Variants in STK38L observed in about 807,000 individuals in gnomAD.
STK38L encodes serine/threonine-protein kinase 38-like.
STK38L carries 28 observed loss-of-function variants against 59.7 expected under a neutral mutation model. The ratio of observed to expected loss-of-function variants is 0.47; its 90% confidence interval spans 0.35 to 0.64. The LOEUF is 0.64. Ranked by LOEUF, STK38L falls within the 30% of genes least tolerant of loss-of-function variation. The pLI, the probability that STK38L is intolerant of heterozygous loss-of-function variation, is 0.01. For missense variants in STK38L, 314 were observed against 555.8 expected (o/e 0.56, Z 4.37); for synonymous variants, 162 against 176.8 (o/e 0.92, Z 0.66).
At chr12:27,280,849 G>A (rs1010692702) in intron 1 of STK38L, among the ~76,000 whole-genome samples, 5 of 152,212 alleles carry the variant, frequency 3.3e-5, no homozygotes, top group South Asian at 4.1e-4. Context: ...GTACAGAGCT[G>A]TTTGGGCAAG....
rs1346310346 is a variant in STK38L at position 27,323,486 on chromosome 12, AT to A, written c.*1036del. The A allele has an allele frequency of 6.6e-6, 1 of 152,288 alleles. No homozygotes were observed. Among genetic ancestry groups the A allele is most frequent in the African/African-American group, 2.4e-5 (1 of 41,318 alleles). The allele number at this position is 152,288 out of a possible 1,614,324, so 9.4% of individuals were successfully genotyped here. ...TTAACTTTTATTTCTTTTGATGAAA[AT>A]TTTTCCTTTGATAGTACTTGTATTA... On this transcript the variant is annotated 3_prime_UTR_variant, in exon 14 of 14. Coordinates refer to ENST00000389032, the MANE Select transcript of STK38L (RefSeq NM_015000.4).
chr12:27,298,132 A>G (rs138371414), intron 2 of STK38L: 128 of 276,364 alleles, frequency 4.6e-4, no homozygotes, highest in African/African-American at 2.7e-3. Context: ...ATGTCTTTAC[A>G]TTTTCTTTTA....
At chr12:27,317,600 C>G in intron 10 of STK38L, 147 bp downstream of exon 10, 2 of 749,494 alleles carry the variant, frequency 2.7e-6, no homozygotes, top group Non-Finnish European at 4.3e-6. Context: ...ACATACTGAT[C>G]AATACCAGTG....
At chr12:27,287,913 C>T (rs1485112569) in intron 1 of STK38L, among the ~76,000 whole-genome samples, 3 of 152,172 alleles carry the variant, frequency 2.0e-5, no homozygotes, top group East Asian at 1.9e-4. Context: ...GACAGAGTCT[C>T]GCTCTGTCAT....
chr12:27,255,821 C>A (rs1035219325), intron 1 of STK38L, among the ~76,000 whole-genome samples: 2 of 152,040 alleles, frequency 1.3e-5, no homozygotes, highest in African/African-American at 4.8e-5. Context: ...TGCTCAGGTC[C>A]CCGTCCTGAT....
At chr12:27,285,271 A>G (rs1943747630) in intron 1 of STK38L, among the ~76,000 whole-genome samples, 1 of 152,206 alleles carries the variant, frequency 6.6e-6, no homozygotes, top group South Asian at 2.1e-4. Flanking sequence ...AGAAATAAAA[A>G]AGGAATTGGT....
intron 3 of STK38L, among the ~76,000 whole-genome samples, chr12:27,307,491 C>T (rs989276239): frequency 2.0e-5 from 3 of 152,162 alleles, no homozygotes; most frequent in African/African-American, 4.8e-5. Context: ...GTCTGTCCCT[C>T]CAAACTGAAC....
At chr12:27,286,624 A>G (rs958947506) in intron 1 of STK38L, among the ~76,000 whole-genome samples, 1 of 152,186 alleles carries the variant, frequency 6.6e-6, no homozygotes, top group African/African-American at 2.4e-5. Flanking sequence ...GCTATTTTAA[A>G]TAATGCTTTG....
chr12:27,299,997 C>T (rs1215944325), intron 2 of STK38L, among the ~76,000 whole-genome samples: 1 of 151,816 alleles, frequency 6.6e-6, no homozygotes, highest in Non-Finnish European at 1.5e-5. Context: ...AGAAGAGAAC[C>T]AAGGAAGAAA....
intron 3 of STK38L, among the ~76,000 whole-genome samples, chr12:27,306,752 C>CACACACACAT (rs1491536388): frequency 1.4e-5 from 2 of 139,636 alleles, no homozygotes; most frequent in Admixed American, 7.1e-5. Flanking sequence ...CACACACACA[C>CACACACACAT]ATATATTTGA....
intron 1 of STK38L, among the ~76,000 whole-genome samples, chr12:27,256,192 T>C (rs1591847891): frequency 6.6e-6 from 1 of 152,264 alleles, no homozygotes; most frequent in African/African-American, 2.4e-5. Context: ...CTTCTTTCAG[T>C]CTGTCTTCCA....
At chr12:27,278,125 C>T (rs1252843030) in intron 1 of STK38L, among the ~76,000 whole-genome samples, 1 of 152,216 alleles carries the variant, frequency 6.6e-6, no homozygotes, top group Non-Finnish European at 1.5e-5. Flanking sequence ...TCTAGAGTAG[C>T]TGCTGCAATT....
rs142735437 is a variant in STK38L at position 27,303,876 on chromosome 12, T to C, written c.186+1688T>C. Among the ~76,000 whole-genome samples the C allele has an allele frequency of 3.3e-5, 5 of 152,296 alleles. 1 individual carries two copies. The highest frequency in any genetic ancestry group is 1.9e-4 in the East Asian group (1 of 5,188). The stretch of plus-strand genomic sequence containing the variant: ...CAATAAAAGGAAATAGTGAGGTAAG[T>C]TGATAGCACACCATGGAAAGCTAGG... On this transcript the variant is annotated intron_variant, in intron 3 of 13. Coordinates refer to ENST00000389032, the MANE Select transcript of STK38L (RefSeq NM_015000.4).
chr12:27,271,733 T>C (rs1031578650), intron 1 of STK38L, among the ~76,000 whole-genome samples: 1 of 152,204 alleles, frequency 6.6e-6, no homozygotes, highest in African/African-American at 2.4e-5. Flanking sequence ...GGAGTTTTGC[T>C]CTGTCACCCA....
chr12:27,313,677 CT>C (rs1485026975), intron 6 of STK38L, among the ~76,000 whole-genome samples: 2 of 152,030 alleles, frequency 1.3e-5, no homozygotes, highest in African/African-American at 2.4e-5. Context: ...ACCACTGCCC[CT>C]GGCTCCCTAT....
Position 27,302,269 on chromosome 12 carries a change from T to G in STK38L, c.186+81T>G, listed in dbSNP as rs1017440054. On this transcript the variant is annotated intron_variant, in intron 3 of 13. Coordinates refer to ENST00000389032, the MANE Select transcript of STK38L (RefSeq NM_015000.4). ...ATTTGACATCAGGTATTTTATAACT[T>G]AAATAATGTGGATTTTATCATTTGA... The G allele has an allele frequency of 3.7e-6, 4 of 1,068,974 alleles. No homozygotes were observed. In the African/African-American group the frequency reaches 6.5e-5, roughly 18 times the overall value. The allele number at this position is 1,068,974 out of a possible 1,614,324, so 66.2% of individuals were successfully genotyped here. A position where few individuals can be genotyped will look rare whatever the true frequency, so the allele number is the denominator to read the frequency against.
intron 1 of STK38L, among the ~76,000 whole-genome samples, chr12:27,262,490 A>T (rs1943221554): frequency 6.6e-6 from 1 of 152,172 alleles, no homozygotes; most frequent in African/African-American, 2.4e-5. Flanking sequence ...CCATGGCAGA[A>T]AACTGATAAA....
At chr12:27,254,032 A>G (rs181028367) in intron 1 of STK38L, among the ~76,000 whole-genome samples, 1 of 152,336 alleles carries the variant, frequency 6.6e-6, no homozygotes, top group Non-Finnish European at 1.5e-5. Flanking sequence ...TAAACAGAAA[A>G]AGTAAAGATA....
intron 1 of STK38L, among the ~76,000 whole-genome samples, chr12:27,256,485 A>G (rs1943094847): frequency 6.6e-6 from 1 of 152,142 alleles, no homozygotes; most frequent in Admixed American, 6.5e-5. Flanking sequence ...CTGCTTAGGC[A>G]TCTCTTTCAG....
Sources: gnomAD v4.1 joint callset for allele counts (sites outside exome capture counted in the v4.1 genomes callset) on GRCh38, gnomAD v4.1.1 for gene constraint, MANE v1.5 for transcripts, NCBI Gene and HGNC (gene_info 2026-07-23, HGNC 2026-07-21) for gene names.